Variants in ADAMTS2 observed in about 807,000 individuals in gnomAD.
ADAMTS2 encodes A disintegrin and metalloproteinase with thrombospondin motifs 2.
In ADAMTS2, 50 loss-of-function variants were observed where a neutral mutation model predicts 123.0. The ratio of observed to expected loss-of-function variants is 0.41; its 90% CI spans 0.32 to 0.51. The LOEUF is 0.51. ADAMTS2 is among the 20% of genes least tolerant of loss of function. The pLI, the probability that ADAMTS2 is intolerant of heterozygous loss-of-function variation, is 0.35. For missense variants in ADAMTS2, 1,494 were observed against 1,705.2 expected, an observed-to-expected ratio of 0.88 and a Z score of 2.18; for synonymous variants, 678 against 695.4, an observed-to-expected ratio of 0.98 and a Z score of 0.39.
intron 3 of ADAMTS2, among the ~76,000 whole-genome samples, chr5:179,227,812 G>A (rs1012719393): frequency 1.3e-5 from 2 of 151,490 alleles, no homozygotes; most frequent in African/African-American, 4.9e-5. Flanking sequence ...AGGCCGGGAG[G>A]AGGGCAGAAG....
At chr5:179,338,304 C>T (rs964880098) in intron 2 of ADAMTS2, among the ~76,000 whole-genome samples, 2 of 152,170 alleles carry the variant, frequency 1.3e-5, no homozygotes, top group African/African-American at 4.8e-5. Context: ...CCTCGGTTTC[C>T]TACCTGTGAA....
intron 2 of ADAMTS2, among the ~76,000 whole-genome samples, chr5:179,309,159 C>T (rs998847025): frequency 1.3e-5 from 2 of 152,226 alleles, no homozygotes; most frequent in African/African-American, 2.4e-5. Context: ...CTGTGTTCCC[C>T]GGGTAGAGGC....
chr5:179,191,144 C>T (rs1017629506), intron 4 of ADAMTS2, among the ~76,000 whole-genome samples: 2 of 152,272 alleles, frequency 1.3e-5, no homozygotes, highest in African/African-American at 4.8e-5. Context: ...CAGGCCAGAG[C>T]CCAGTGTCCC....
At chr5:179,329,025 G>C (rs1757388205) in intron 2 of ADAMTS2, among the ~76,000 whole-genome samples, 1 of 152,122 alleles carries the variant, frequency 6.6e-6, no homozygotes, top group Non-Finnish European at 1.5e-5. Context: ...CCCTGGACTG[G>C]TGCAAAAGAA....
intron 4 of ADAMTS2, among the ~76,000 whole-genome samples, chr5:179,196,252 C>A (rs56805108): frequency 0.017 from 2,527 of 151,668 alleles, 83 homozygotes; most frequent in African/African-American, 0.057. Flanking sequence ...ATCATTCATT[C>A]AAAAAAAACG....
At chr5:179,301,133 T>TG (rs1211316751) in intron 2 of ADAMTS2, among the ~76,000 whole-genome samples, 3 of 149,270 alleles carry the variant, frequency 2.0e-5, no homozygotes, top group African/African-American at 7.5e-5. Flanking sequence ...CTGGAGGCTC[T>TG]GCTCGCTCCT....
intron 4 of ADAMTS2, among the ~76,000 whole-genome samples, chr5:179,194,037 C>T (rs1319103584): frequency 1.3e-5 from 2 of 152,216 alleles, no homozygotes; most frequent in Non-Finnish European, 2.9e-5. Flanking sequence ...AGCTGTCATC[C>T]GGGTGTGTGG....
intron 4 of ADAMTS2, among the ~76,000 whole-genome samples, chr5:179,187,909 G>A (rs958218465): frequency 1.1e-4 from 17 of 152,196 alleles, no homozygotes; most frequent in Non-Finnish European, 7.3e-5. Context: ...AGGAAGGAGC[G>A]GCTCTGCATG....
At chr5:179,161,649 G>A (rs1339652327) in intron 5 of ADAMTS2, among the ~76,000 whole-genome samples, 1 of 152,166 alleles carries the variant, frequency 6.6e-6, no homozygotes. Flanking sequence ...CCGTAAGAAT[G>A]TATTGTGCAT....
chr5:179,172,541 C>A (rs1290162973), intron 5 of ADAMTS2, among the ~76,000 whole-genome samples: 1 of 152,230 alleles, frequency 6.6e-6, no homozygotes, highest in Non-Finnish European at 1.5e-5. Flanking sequence ...TGGCAGCCTG[C>A]GTCCTCACTC....
intron 5 of ADAMTS2, among the ~76,000 whole-genome samples, chr5:179,177,635 T>G (rs552263946): frequency 1.2e-4 from 18 of 152,258 alleles, no homozygotes; most frequent in African/African-American, 4.3e-4. Context: ...ATCCTCAATT[T>G]CCCCAGGATC....
At position 179,117,273 on chromosome 5, in the gene ADAMTS2, G is replaced by T. The variant is rs1762673023; in HGVS notation, c.3179-2949C>A. Among the ~76,000 whole-genome samples the T allele has an allele frequency of 6.6e-6, 1 of 152,176 alleles. No individual in the cohort carries two copies. Among genetic ancestry groups the T allele is most frequent in the African/African-American group, 2.4e-5 (1 of 41,446 alleles). Reference sequence around the variant, plus strand: ...CCCTACCCCATAGGCTTTGACAAAGGAGGGAGCCTGGGCCTGATGGTGCTG... The same window carrying T: ...CCCTACCCCATAGGCTTTGACAAAGTAGGGAGCCTGGGCCTGATGGTGCTG... On this transcript the variant is annotated intron_variant, in intron 21 of 21. Transcript: ENST00000251582. The surrounding 1 kb of genome is among the most constrained non-coding windows in gnomAD (Gnocchi z 4.2).
At chr5:179,230,242 G>T (rs1251311847) in intron 3 of ADAMTS2, among the ~76,000 whole-genome samples, 1 of 152,170 alleles carries the variant, frequency 6.6e-6, no homozygotes, top group Non-Finnish European at 1.5e-5. Context: ...GGCAAGGGGG[G>T]AGGGGATGCG....
In ADAMTS2 at chr5:179,225,002, C is replaced by T. The variant is rs543352144; in HGVS notation, c.689-17287G>A. 6.6e-5 allele frequency among the ~76,000 whole-genome samples: 10 copies of T among 152,192 alleles called. No homozygotes were observed. The highest frequency in any genetic ancestry group is 1.2e-4 in the Non-Finnish European group (8 of 68,040). On this transcript the variant is annotated intron_variant, in intron 3 of 21. Coordinates refer to ENST00000251582, the MANE Select transcript of ADAMTS2 (RefSeq NM_014244.5). This position sits in a 1 kb window ranked among gnomAD's most constrained non-coding sequence, Gnocchi z 4.5. ...CTGCCTCACAGTGGCTGAAGCTTCC[C>T]GGGCCGCAGTTCACGCCCCACTTGT...
chr5:179,130,171 G>T lies in ADAMTS2; in HGVS notation c.2291-73C>A. The T allele has an allele frequency of 6.3e-7, 1 of 1,591,652 alleles. No homozygotes were observed. The highest frequency in any genetic ancestry group is 2.2e-5 in the East Asian group (1 of 44,708). ...GACCCAGGCCCACTGGTTTGGGCTG[G>T]TCGGGGAGTGGGGGCAGCTAGCTGG... On this transcript the variant is annotated intron_variant, in intron 15 of 21. Coordinates refer to ENST00000251582, the MANE Select transcript of ADAMTS2 (RefSeq NM_014244.5). This position sits in a 1 kb window ranked among gnomAD's most constrained non-coding sequence, Gnocchi z 4.3.
At chr5:179,141,645 T>C (rs1483012833) in intron 10 of ADAMTS2, among the ~76,000 whole-genome samples, 1 of 152,150 alleles carries the variant, frequency 6.6e-6, no homozygotes, top group Admixed American at 6.5e-5. Flanking sequence ...CCTCCCCCAT[T>C]CCTGCCCTAG....
chr5:179,168,143 C>G (rs112386178), intron 5 of ADAMTS2, among the ~76,000 whole-genome samples: 1 of 152,190 alleles, frequency 6.6e-6, no homozygotes, highest in Non-Finnish European at 1.5e-5. Flanking sequence ...TTGGGTGAGG[C>G]GGGCACCCTG....
rs1340671554 is a variant in ADAMTS2, at chr5:179,122,652, G to A, written c.3080C>T (p.Pro1027Leu). 1 of 1,551,118 alleles carries A rather than the reference G, an allele frequency of 6.4e-7. No homozygotes were observed. The highest frequency in any genetic ancestry group is 8.7e-7 in the Non-Finnish European group (1 of 1,147,446). The stretch of plus-strand genomic sequence containing the variant: ...GGCTGCAGGTGGCTTACGGGGACAG[G>A]GGCCAAGCCTGCAGGTCCTCGCTGT... ...PETARTCRLG[P>L]CPRNISDPSK... The change falls in exon 20 of 22, where the codon CCC (proline) becomes CTC (leucine). Residue 1027 changes from proline (P) to leucine (L), a missense_variant. Around this residue, in one of 6 missense-constraint regions of ADAMTS2, gnomAD observed 953 missense variants for 1,124.7 expected, o/e 0.85. Transcript: ENST00000251582.
chr5:179,113,796 A>G lies in ADAMTS2; in HGVS notation c.*71T>C. ...AATTTTGACTTCATCTCCATGACACAGGATTTGCTATCCCATGGAATATCT... is the reference window on the plus strand; with the variant it reads ...AATTTTGACTTCATCTCCATGACACGGGATTTGCTATCCCATGGAATATCT... On this transcript the variant is annotated 3_prime_UTR_variant, in exon 22 of 22. Transcript: ENST00000251582. The G allele has an allele frequency of 2.7e-6, 4 of 1,479,866 alleles. No homozygotes were observed. Among genetic ancestry groups the G allele is most frequent in the Non-Finnish European group, 3.8e-6 (4 of 1,059,062 alleles). The allele number at this position is 1,479,866 out of a possible 1,614,324, so 91.7% of individuals were successfully genotyped here.
Sources: allele counts gnomAD v4.1 joint callset (sites outside exome capture counted in the v4.1 genomes callset), GRCh38; gene constraint gnomAD v4.1.1; regional missense constraint gnomAD v4.1.1; non-coding constraint Gnocchi (gnomAD v3.1); transcripts MANE v1.5; gene names NCBI Gene and HGNC (gene_info 2026-07-23, HGNC 2026-07-21).